The following CPNE8 variants were observed in gnomAD, a reference collection of about 807,000 sequenced individuals.
CPNE8 encodes copine 8, also known as copine-8.
CPNE8 carries 45 observed loss-of-function variants against 81.5 expected under a neutral mutation model. The observed-to-expected ratio is 0.55, with a 90% CI of 0.44 to 0.71. CPNE8 has a LOEUF of 0.71. Ranked by LOEUF, CPNE8 falls within the 30% of genes least tolerant of loss-of-function variation. CPNE8 has a pLI of 0.00. For synonymous variants in CPNE8, 252 were observed against 226.3 expected (o/e 1.11, Z -1.02); for missense variants, 594 against 672.1 (o/e 0.88, Z 1.28).
At chr12:38,894,522 A>C (rs1004830633) in intron 1 of CPNE8, among the ~76,000 whole-genome samples, 16 of 152,074 alleles carry the variant, frequency 1.1e-4, no homozygotes, top group African/African-American at 3.6e-4. Context: ...TTGAGAGTGG[A>C]GATACCAAGA....
chr12:38,843,287 C>T (rs1943502917), intron 4 of CPNE8, among the ~76,000 whole-genome samples: 1 of 151,758 alleles, frequency 6.6e-6, no homozygotes, highest in African/African-American at 2.4e-5. Context: ...CAACTAAGGC[C>T]CAAAGAAAAA....
intron 10 of CPNE8, among the ~76,000 whole-genome samples, chr12:38,760,457 G>A (rs182808974): frequency 2.3e-3 from 33 of 14,598 alleles, no homozygotes; most frequent in Non-Finnish European, 3.4e-3. Context: ...ATATATGTGT[G>A]TGTATATAGG....
At chr12:38,677,605 T>C (rs904192066) in intron 16 of CPNE8, 51 bp from the exon 17 acceptor site, 3 of 999,736 alleles carry the variant, frequency 3.0e-6, no homozygotes, top group African/African-American at 3.2e-5. Context: ...CTATATGTGA[T>C]GGTTGGTAAA....
chr12:38,755,955 A>G (rs11169410), intron 10 of CPNE8, among the ~76,000 whole-genome samples: 13,586 of 145,468 alleles, frequency 0.093, 1,444 homozygotes, highest in African/African-American at 0.26. Flanking sequence ...CAGGAGAATG[A>G]CGTGAACCCA....
chr12:38,763,664 G>C (rs1275927354), intron 8 of CPNE8, among the ~76,000 whole-genome samples: 2 of 152,130 alleles, frequency 1.3e-5, no homozygotes, highest in Admixed American at 1.3e-4. Context: ...TCAATCTTAA[G>C]ACATCAATCA....
intron 13 of CPNE8, among the ~76,000 whole-genome samples, chr12:38,703,501 T>A (rs1940005912): frequency 6.6e-6 from 1 of 152,070 alleles, no homozygotes; most frequent in Non-Finnish European, 1.5e-5. Flanking sequence ...GCCAACATCA[T>A]ACTGAATGGG....
At chr12:38,772,100 G>A (rs1385379339) in intron 7 of CPNE8, among the ~76,000 whole-genome samples, 1 of 152,076 alleles carries the variant, frequency 6.6e-6, no homozygotes, top group African/African-American at 2.4e-5. Context: ...TATTAAGAGT[G>A]GGTTTTTATA....
At chr12:38,843,183 T>C (rs1471043657) in intron 4 of CPNE8, among the ~76,000 whole-genome samples, 1 of 152,224 alleles carries the variant, frequency 6.6e-6, no homozygotes, top group African/African-American at 2.4e-5. Context: ...CAGTAATGAA[T>C]TGGCAGTAGC....
At chr12:38,738,255 A>G (rs1940999923) in intron 10 of CPNE8, among the ~76,000 whole-genome samples, 2 of 152,216 alleles carry the variant, frequency 1.3e-5, no homozygotes, top group African/African-American at 4.8e-5. Context: ...GGGAAAATGC[A>G]TTTTGGAAAA....
Position 38,708,749 on chromosome 12 carries a change from C to T in CPNE8, c.915-5828G>A, listed in dbSNP as rs145641343. 4.8e-3 allele frequency among the ~76,000 whole-genome samples: 737 copies of T among 152,262 alleles called. 3 individuals are homozygous for T. The highest frequency in any genetic ancestry group is 6.7e-3 in the Non-Finnish European group (455 of 68,026). ...AATTTACTAGCACAGCAAAGATCCACAGGAAGCAAGTATATATGTGAGTAT... is the reference window on the plus strand; with the variant it reads ...AATTTACTAGCACAGCAAAGATCCATAGGAAGCAAGTATATATGTGAGTAT... On this transcript the variant is annotated intron_variant, in intron 13 of 19. Transcript: ENST00000331366.
intron 1 of CPNE8, among the ~76,000 whole-genome samples, chr12:38,895,865 G>A (rs986320761): frequency 1.3e-5 from 2 of 152,190 alleles, no homozygotes; most frequent in African/African-American, 4.8e-5. Flanking sequence ...ATAAGCTTAT[G>A]CTTAGGAATT....
chr12:38,774,847 C>T (rs1941893061), intron 7 of CPNE8, among the ~76,000 whole-genome samples: 1 of 152,034 alleles, frequency 6.6e-6, no homozygotes, highest in South Asian at 2.1e-4. Flanking sequence ...CCCAGGGGGA[C>T]AAAGACAATG....
At chr12:38,784,748 A>G (rs1011607781) in intron 6 of CPNE8, among the ~76,000 whole-genome samples, 2 of 152,210 alleles carry the variant, frequency 1.3e-5, no homozygotes, top group African/African-American at 4.8e-5. Flanking sequence ...AGGAAAAAAA[A>G]AACTTTTTAC....
chr12:38,680,594 C>G (rs1592005699), intron 16 of CPNE8, among the ~76,000 whole-genome samples: 1 of 151,942 alleles, frequency 6.6e-6, no homozygotes, highest in Non-Finnish European at 1.5e-5. Flanking sequence ...TGAATTTTAG[C>G]TCTACCACAA....
chr12:38,700,581 G>C (rs1046896533), intron 14 of CPNE8, among the ~76,000 whole-genome samples: 3 of 151,934 alleles, frequency 2.0e-5, no homozygotes, highest in Non-Finnish European at 1.5e-5. Context: ...AAGTGCACCG[G>C]ACTTTGTAAA....
chr12:38,887,059 C>A, intron 1 of CPNE8, among the ~76,000 whole-genome samples: 1 of 152,126 alleles, frequency 6.6e-6, no homozygotes, highest in East Asian at 1.9e-4. Context: ...GAGAGACAAG[C>A]ACCAGGAGGC....
chr12:38,905,622 G>A (rs1944560008), upstream of CPNE8: 5 of 1,519,158 alleles, frequency 3.3e-6, no homozygotes, highest in Non-Finnish European at 4.4e-6. Context: ...CGGGGATGGG[G>A]GTTGAGGGTG....
intron 8 of CPNE8, among the ~76,000 whole-genome samples, chr12:38,764,874 G>A (rs377689039): frequency 3.9e-5 from 6 of 152,180 alleles, no homozygotes; most frequent in African/African-American, 1.4e-4. Context: ...GAGAGAGAGA[G>A]AGAGAGAAAA....
intron 1 of CPNE8, among the ~76,000 whole-genome samples, chr12:38,903,681 T>C (rs1592167417): frequency 6.6e-6 from 1 of 152,218 alleles, no homozygotes; most frequent in South Asian, 2.1e-4. Context: ...AGAACTCTAG[T>C]AATGCTGTTA....
Sources: gnomAD v4.1 joint callset for allele counts (sites outside exome capture counted in the v4.1 genomes callset) on GRCh38, gnomAD v4.1.1 for gene constraint, MANE v1.5 for transcripts, NCBI Gene and HGNC (gene_info 2026-07-23, HGNC 2026-07-21) for gene names.